The following SASH1 variants were observed in gnomAD, a reference collection of about 807,000 sequenced individuals.
The protein encoded by SASH1 is SAM and SH3 domain-containing protein 1.
Under a neutral mutation model 125.2 loss-of-function variants are expected in SASH1, and 44 were observed. The ratio of observed to expected loss-of-function variants is 0.35; its 90% CI spans 0.28 to 0.45. SASH1 has a LOEUF of 0.45. SASH1 is among the 20% of genes least tolerant of loss of function. SASH1 has a pLI of 1.00. For missense variants in SASH1, 1,426 were observed against 1,614.5 expected (o/e 0.88, Z 2.00); for synonymous variants, 639 against 649.1 (o/e 0.98, Z 0.24).
At chr6:148,402,677 C>T (rs867277689) in intron 2 of SASH1, among the ~76,000 whole-genome samples, 14 of 149,020 alleles carry the variant, frequency 9.4e-5, no homozygotes, top group African/African-American at 1.7e-4. Context: ...TGCAGTGGCA[C>T]GATCTTGGCT....
intron 2 of SASH1, among the ~76,000 whole-genome samples, chr6:148,437,150 A>G (rs1776326119): frequency 6.6e-6 from 1 of 152,160 alleles, no homozygotes. Flanking sequence ...TTTGTCATTG[A>G]CATCATGTGA....
intron 9 of SASH1, 74 bp downstream of exon 9, chr6:148,514,530 C>A: frequency 7.3e-7 from 1 of 1,375,152 alleles, no homozygotes; most frequent in South Asian, 1.5e-5. Flanking sequence ...CATTTGGGGT[C>A]AGTTTCTCAG....
At chr6:148,251,359 C>G in the SASH1 span, among the ~76,000 whole-genome samples, 3 of 152,168 alleles carry the variant, frequency 2.0e-5, no homozygotes, top group African/African-American at 4.8e-5. Flanking sequence ...ATCAATACCC[C>G]TGAAAAATAT....
At chr6:148,314,377 T>G (rs764538036) in intron 1 of SASH1, among the ~76,000 whole-genome samples, 8 of 152,206 alleles carry the variant, frequency 5.3e-5, no homozygotes, top group Non-Finnish European at 1.0e-4. Flanking sequence ...AAATGGCCCT[T>G]TAAACTGTAT....
the SASH1 span, among the ~76,000 whole-genome samples, chr6:148,219,184 G>T: frequency 6.6e-6 from 1 of 152,092 alleles, no homozygotes; most frequent in South Asian, 2.1e-4. Context: ...AAACTATTTG[G>T]CCTAGGTTCT....
At chr6:148,347,633 A>G (rs1037783324) in intron 1 of SASH1, among the ~76,000 whole-genome samples, 1 of 152,168 alleles carries the variant, frequency 6.6e-6, no homozygotes, top group African/African-American at 2.4e-5. Flanking sequence ...GTTAATTTAC[A>G]TGTTCTCTTG....
upstream of SASH1, among the ~76,000 whole-genome samples, chr6:148,338,270 T>C (rs928248254): frequency 6.6e-6 from 1 of 151,734 alleles, no homozygotes; most frequent in Admixed American, 6.6e-5. Flanking sequence ...CTACTAAAAA[T>C]ACAAAAATTA....
chr6:148,455,884 G>T (rs1379828459), intron 4 of SASH1, among the ~76,000 whole-genome samples: 1 of 152,124 alleles, frequency 6.6e-6, no homozygotes, highest in African/African-American at 2.4e-5. Flanking sequence ...CGAGAGGAAG[G>T]GCCCTCCATG....
At chr6:148,292,815 C>T (rs996129006) in intron 1 of SASH1, among the ~76,000 whole-genome samples, 3 of 152,106 alleles carry the variant, frequency 2.0e-5, no homozygotes, top group African/African-American at 7.2e-5. Context: ...CTTTGGGAGG[C>T]CGAGGTGGGC....
chr6:148,355,279 G>A (rs1781887488), intron 1 of SASH1, among the ~76,000 whole-genome samples: 1 of 152,126 alleles, frequency 6.6e-6, no homozygotes, highest in Non-Finnish European at 1.5e-5. Flanking sequence ...GTCTACTGGG[G>A]TATGGTCATT....
intron 9 of SASH1, among the ~76,000 whole-genome samples, chr6:148,514,920 G>C (rs939329103): frequency 2.6e-5 from 4 of 152,124 alleles, no homozygotes; most frequent in African/African-American, 7.2e-5. Context: ...GGGTTGATTT[G>C]TTCTTCCTGT....
the SASH1 span, among the ~76,000 whole-genome samples, chr6:148,244,959 TGAGAGAGAGA>T: frequency 8.4e-6 from 1 of 119,152 alleles, no homozygotes; most frequent in South Asian, 2.9e-4. Context: ...TGTGTGTGTG[TGAGAGAGAGA>T]GAGAGAGAGA....
intron 2 of SASH1, among the ~76,000 whole-genome samples, chr6:148,396,163 TA>T (rs140329363): frequency 0.15 from 23,068 of 152,034 alleles, 1,783 homozygotes; most frequent in South Asian, 0.28. Flanking sequence ...TATTGCATAT[TA>T]TAACTGTGAA....
the SASH1 span, among the ~76,000 whole-genome samples, chr6:148,232,376 C>G: frequency 6.6e-6 from 1 of 152,262 alleles, no homozygotes; most frequent in Non-Finnish European, 1.5e-5. Flanking sequence ...CAGACTTGGG[C>G]TCGGGCCTAC....
chr6:148,530,437 C>G (rs1353729519), intron 12 of SASH1, among the ~76,000 whole-genome samples: 1 of 151,844 alleles, frequency 6.6e-6, no homozygotes, highest in Non-Finnish European at 1.5e-5. Context: ...GCTTCAGTAA[C>G]TTCCTAATAA....
chr6:148,356,148 G>A (rs1211078753), intron 1 of SASH1, among the ~76,000 whole-genome samples: 1 of 149,654 alleles, frequency 6.7e-6, no homozygotes, highest in Non-Finnish European at 1.5e-5. Flanking sequence ...GCAGTGGCGT[G>A]ATCTCTGCTC....
At chr6:148,369,098 G>A (rs778056860) in intron 1 of SASH1, among the ~76,000 whole-genome samples, 4 of 152,198 alleles carry the variant, frequency 2.6e-5, no homozygotes, top group African/African-American at 9.7e-5. Context: ...AGAGCTGTAC[G>A]TGTTGGGGAG....
chr6:148,245,902 T>C, the SASH1 span, among the ~76,000 whole-genome samples: 26 of 150,676 alleles, frequency 1.7e-4, 1 homozygote, highest in Admixed American at 1.7e-3. Flanking sequence ...GGCAGGAGAA[T>C]GGCGTGAACC....
chr6:148,530,491 A>G (rs1781449114), intron 12 of SASH1, among the ~76,000 whole-genome samples: 2 of 152,030 alleles, frequency 1.3e-5, no homozygotes, highest in African/African-American at 4.8e-5. Flanking sequence ...TCGCTTGCTC[A>G]CTTTCCTCAC....
Sources: allele counts gnomAD v4.1 joint callset (sites outside exome capture counted in the v4.1 genomes callset), GRCh38; gene constraint gnomAD v4.1.1; transcripts MANE v1.5; gene names NCBI Gene and HGNC (gene_info 2026-07-23, HGNC 2026-07-21).